Variants in TBCE observed in about 807,000 individuals in gnomAD.
TBCE encodes tubulin-specific chaperone E.
Under a neutral mutation model 77.0 loss-of-function variants are expected in TBCE, and 53 were observed. The observed-to-expected ratio is 0.69, with a 90% CI of 0.55 to 0.87. The LOEUF is 0.87. TBCE is among the 40% of genes least tolerant of loss of function. The pLI is 0.00. For missense variants in TBCE, 624 were observed against 622.4 expected (o/e 1.00, Z -0.03); for synonymous variants, 235 against 241.3 (o/e 0.97, Z 0.24).
chr1:235,397,488 C>T (rs893177189), intron 2 of TBCE, among the ~76,000 whole-genome samples: 1 of 152,212 alleles, frequency 6.6e-6, no homozygotes, highest in Admixed American at 6.5e-5. Flanking sequence ...GCTGGGATTA[C>T]AGGCGTAAGC....
chr1:235,414,985 G>A (rs1228839706), intron 4 of TBCE: 5 of 317,000 alleles, frequency 1.6e-5, no homozygotes, highest in East Asian at 8.0e-5. Context: ...TCCCTATGCC[G>A]TGGAGCGTGC....
At chr1:235,401,826 CTTTTTTT>C (rs11285286) in intron 3 of TBCE, among the ~76,000 whole-genome samples, 18 of 88,594 alleles carry the variant, frequency 2.0e-4, no homozygotes, top group Admixed American at 9.4e-4. Context: ...TTTCTTCGTC[CTTTTTTT>C]TTTTTTTTTT....
In TBCE at chr1:235,406,001, G is replaced by A. The variant is rs148678521; in HGVS notation, c.185+4414G>A. Among the ~76,000 whole-genome samples, 16 of 152,282 alleles carry A rather than the reference G, an allele frequency of 1.1e-4. No homozygotes were observed. In the East Asian group the frequency reaches 3.1e-3, roughly 29 times the overall value. On this transcript the variant is annotated intron_variant, in intron 3 of 16. Coordinates refer to ENST00000642610, the MANE Select transcript of TBCE (RefSeq NM_003193.5). ...TTGGATTCTTAGCCTTGGAATAACT[G>A]CTTACTTCATTATATCGTCTAGTGT... is the stretch of plus-strand genomic sequence containing the variant.
intron 15 of TBCE, among the ~76,000 whole-genome samples, chr1:235,447,137 TCA>T (rs1288345583): frequency 6.6e-6 from 1 of 152,154 alleles, no homozygotes; most frequent in Non-Finnish European, 1.5e-5. Context: ...TATCACATAT[TCA>T]CACATGAAAG....
chr1:235,397,327 G>A (rs145605931), intron 2 of TBCE, among the ~76,000 whole-genome samples: 2,794 of 151,206 alleles, frequency 0.018, 94 homozygotes, highest in African/African-American at 0.064. Flanking sequence ...TCAGCCTCCC[G>A]AGCAGCTGGG....
rs547372518 is a variant in TBCE, at chr1:235,379,141, G to C, written c.-31-878G>C. 2.2e-4 allele frequency among the ~76,000 whole-genome samples: 33 copies of C among 152,174 alleles called. No homozygotes were observed. The South Asian group carries it at 3.5e-3, about 16-fold the overall frequency. ...AACTATTATGTTTTTGCAGGATTCT[G>C]TCATTGATCCCCTTTTCTTTCTAGC... On this transcript the variant is annotated intron_variant, in intron 1 of 16. Transcript: ENST00000642610.
At chr1:235,407,843 C>G (rs1679543497) in intron 3 of TBCE, among the ~76,000 whole-genome samples, 1 of 152,014 alleles carries the variant, frequency 6.6e-6, no homozygotes, top group African/African-American at 2.4e-5. Flanking sequence ...TTGAAGTCCT[C>G]TTTACCTTGT....
chr1:235,442,188 G>A (rs761247298), intron 14 of TBCE, among the ~76,000 whole-genome samples: 3 of 151,454 alleles, frequency 2.0e-5, no homozygotes, highest in African/African-American at 2.4e-5. Context: ...TTTTTTAATC[G>A]AGACGGAGTT....
chr1:235,372,944 A>G (rs1000625980), intron 1 of TBCE, among the ~76,000 whole-genome samples: 233 of 151,276 alleles, frequency 1.5e-3, no homozygotes, highest in Non-Finnish European at 2.1e-3. Context: ...AAAAAAAAAA[A>G]AGAGAGAAAT....
At chr1:235,399,034 A>C (rs1212597580) in intron 2 of TBCE, among the ~76,000 whole-genome samples, 1 of 151,424 alleles carries the variant, frequency 6.6e-6, no homozygotes, top group Admixed American at 6.6e-5. Context: ...GCTCACTGCA[A>C]CCTCCATACC....
intron 2 of TBCE, among the ~76,000 whole-genome samples, chr1:235,390,341 A>G (rs1451542847): frequency 6.6e-6 from 1 of 152,188 alleles, no homozygotes; most frequent in African/African-American, 2.4e-5. Flanking sequence ...GCTAGGTTAC[A>G]TGGCAAAGGG....
chr1:235,413,957 C>T (rs904764018), intron 3 of TBCE: 2 of 156,810 alleles, frequency 1.3e-5, no homozygotes, highest in African/African-American at 5.2e-5. Flanking sequence ...CGAGTTCAAA[C>T]AATTCTCCCG....
chr1:235,403,306 A>G (rs1236746927), intron 3 of TBCE, among the ~76,000 whole-genome samples: 1 of 152,090 alleles, frequency 6.6e-6, no homozygotes, highest in East Asian at 1.9e-4. Flanking sequence ...TCCCTGGTTC[A>G]AGCAATTCCC....
chr1:235,420,104 A>G (rs929549168), intron 5 of TBCE, among the ~76,000 whole-genome samples: 1 of 152,122 alleles, frequency 6.6e-6, no homozygotes, highest in African/African-American at 2.4e-5. Context: ...AAGGGGGCAC[A>G]CTTGTTTGGC....
chr1:235,386,177 A>G (rs1330869055), intron 2 of TBCE, among the ~76,000 whole-genome samples: 1 of 152,182 alleles, frequency 6.6e-6, no homozygotes, highest in Non-Finnish European at 1.5e-5. Context: ...AGTTTCTGCC[A>G]AGAGATCCGC....
chr1:235,445,969 AACC>A lies in TBCE; in HGVS notation c.1400-2377_1400-2375del, dbSNP rs1433495431. 3.3e-5 allele frequency among the ~76,000 whole-genome samples: 5 copies of A among 152,300 alleles called. No individual in the cohort carries two copies. In the East Asian group the frequency reaches 7.7e-4, roughly 24 times the overall value. On this transcript the variant is annotated intron_variant, in intron 15 of 16. Transcript: ENST00000642610. ...CTGCGCTGTCCAGTGTGGCTGCAAT[AACC>A]ACATGTGGCTATTTAAATTCATTAA...
At chr1:235,375,585 A>C (rs1465419215) in intron 1 of TBCE, among the ~76,000 whole-genome samples, 1 of 152,170 alleles carries the variant, frequency 6.6e-6, no homozygotes, top group Non-Finnish European at 1.5e-5. Context: ...TAACATCAGG[A>C]AACAGGGACC....
chr1:235,409,249 G>A (rs1053620253), intron 3 of TBCE, among the ~76,000 whole-genome samples: 4 of 152,140 alleles, frequency 2.6e-5, no homozygotes, highest in Non-Finnish European at 5.9e-5. Context: ...TAATTGGTAG[G>A]CAGAAGGAGG....
chr1:235,450,387 T>C lies in TBCE; in HGVS notation c.*1625T>C, dbSNP rs765597784. The C allele has an allele frequency of 6.3e-7, 1 of 1,596,692 alleles. No individual in the cohort carries two copies. Among genetic ancestry groups the C allele is most frequent in the South Asian group, 1.1e-5 (1 of 90,584 alleles). ...CGATCTGAGAGTGGTGAAACTGTTT[T>C]AAGAGCATCAGAAAGTATGCACGTA... On this transcript the variant is annotated 3_prime_UTR_variant, in exon 17 of 17. Transcript: ENST00000642610.
Sources: allele counts gnomAD v4.1 joint callset (sites outside exome capture counted in the v4.1 genomes callset), GRCh38; gene constraint gnomAD v4.1.1; transcripts MANE v1.5; gene names NCBI Gene and HGNC (gene_info 2026-07-23, HGNC 2026-07-21).